The following XYLT1 variants were observed in gnomAD, a reference collection of about 807,000 sequenced individuals.
XYLT1 encodes xylosyltransferase 1.
In XYLT1, 36 loss-of-function variants were observed where a neutral mutation model predicts 91.3. That is an observed-to-expected ratio of 0.39 (90% CI 0.30 to 0.52). The LOEUF is 0.52. Among genes scored for constraint, XYLT1 ranks in the 20% least tolerant of loss-of-function variants. The pLI is 0.68. For synonymous variants in XYLT1, 588 were observed against 532.0 expected (o/e 1.11, Z -1.45); for missense variants, 1,242 against 1,284.5 (o/e 0.97, Z 0.51).
intron 3 of XYLT1, among the ~76,000 whole-genome samples, chr16:17,203,002 T>C (rs966696364): frequency 6.6e-6 from 1 of 152,106 alleles, no homozygotes; most frequent in African/African-American, 2.4e-5. Flanking sequence ...AATGCTATTA[T>C]CCCCGCTTTC....
chr16:17,111,141 T>C (rs898227771), intron 11 of XYLT1, among the ~76,000 whole-genome samples: 6 of 152,028 alleles, frequency 3.9e-5, no homozygotes, highest in East Asian at 3.9e-4. Context: ...GCCTGGTCGA[T>C]AGAGTGAGAC....
chr16:17,331,268 C>T (rs190065525), intron 2 of XYLT1, among the ~76,000 whole-genome samples: 3 of 152,362 alleles, frequency 2.0e-5, no homozygotes, highest in East Asian at 3.9e-4. Flanking sequence ...AGGCAGTTGC[C>T]TTCACCACAC....
At chr16:17,469,139 C>G (rs2036942076) in intron 1 of XYLT1, among the ~76,000 whole-genome samples, 1 of 152,226 alleles carries the variant, frequency 6.6e-6, no homozygotes, top group Non-Finnish European at 1.5e-5. Context: ...GCATGAAGAG[C>G]TGCACTCCGG....
At chr16:17,465,538 A>G (rs1439272317) in intron 1 of XYLT1, among the ~76,000 whole-genome samples, 1 of 98,950 alleles carries the variant, frequency 1.0e-5, no homozygotes, top group South Asian at 3.6e-4. Flanking sequence ...CTTCCTGGAA[A>G]TTTTTTGTGT....
At chr16:17,298,438 C>T (rs2034347360) in intron 2 of XYLT1, among the ~76,000 whole-genome samples, 1 of 152,146 alleles carries the variant, frequency 6.6e-6, no homozygotes, top group African/African-American at 2.4e-5. Flanking sequence ...AGATGAGGCT[C>T]AAGGAGCTGA....
At chr16:17,422,536 G>A (rs1394532515) in intron 1 of XYLT1, among the ~76,000 whole-genome samples, 1 of 151,754 alleles carries the variant, frequency 6.6e-6, no homozygotes, top group African/African-American at 2.4e-5. Flanking sequence ...TGGAGACAGA[G>A]TCTTACTCTG....
intron 2 of XYLT1, among the ~76,000 whole-genome samples, chr16:17,351,607 T>C (rs2035220689): frequency 6.6e-6 from 1 of 151,774 alleles, no homozygotes; most frequent in African/African-American, 2.4e-5. Flanking sequence ...AGGGTGATGT[T>C]TGAACATAAA....
chr16:17,297,018 T>C (rs2034322324), intron 2 of XYLT1, among the ~76,000 whole-genome samples: 1 of 152,222 alleles, frequency 6.6e-6, no homozygotes, highest in Admixed American at 6.5e-5. Flanking sequence ...GAAGTACTAT[T>C]TAGTGACTCT....
At position 17,134,643 on chromosome 16, in the gene XYLT1, G is replaced by C. The variant is rs1351934094; in HGVS notation, c.1857C>G (p.Asn619Lys). 6.2e-7 allele frequency: 1 copy of C among 1,614,222 alleles called. No individual in the cohort carries two copies. Among genetic ancestry groups the C allele is most frequent in the Admixed American group, 1.7e-5 (1 of 60,034 alleles). The change falls in exon 9 of 12, where the codon AAC becomes AAG. Residue 619 changes from asparagine to lysine, a missense_variant. Asn to Lys is a moderately conservative substitution (Grantham distance 94). Around this residue, in one of 3 missense-constraint regions of XYLT1, gnomAD observed 511 missense variants for 497.0 expected, o/e 1.03. Transcript: ENST00000261381. ...GCAGGCCCGGGGTACCTGCAGGGTA[G>C]TTCCCGTACAGGTAATAGTCCAGCT... ...IGQLDYYLYG[N>K]YPAGTPGLRS...
intron 1 of XYLT1, among the ~76,000 whole-genome samples, chr16:17,460,761 T>C (rs2036809213): frequency 6.6e-6 from 1 of 152,222 alleles, no homozygotes; most frequent in Non-Finnish European, 1.5e-5. Flanking sequence ...TCCAAAAATC[T>C]ACGCTGTCTC....
In XYLT1 at chr16:17,105,427, T is replaced by C. The variant is rs1165959940; in HGVS notation, c.*3268A>G. 1 of 152,196 alleles carries C rather than the reference T, an allele frequency of 6.6e-6. No individual in the cohort carries two copies. Among genetic ancestry groups the C allele is most frequent in the Non-Finnish European group, 1.5e-5 (1 of 68,044 alleles). The allele number at this position is 152,196 out of a possible 1,614,324, so 9.4% of individuals were successfully genotyped here. The stretch of plus-strand genomic sequence containing the variant: ...TCATGATCTCACCAGGAAAGCCTTT[T>C]TTTTCCCCTGCAAAGGGAGAAAGCA... On this transcript the variant is annotated 3_prime_UTR_variant, in exon 12 of 12. Transcript: ENST00000261381.
chr16:17,293,298 C>A lies in XYLT1; in HGVS notation c.403-33800G>T, dbSNP rs114034596. On this transcript the variant is annotated intron_variant, in intron 2 of 11. Coordinates refer to ENST00000261381, the MANE Select transcript of XYLT1 (RefSeq NM_022166.4). ...CCCAAAACCTCTGTTTAACACCCAA[C>A]AACTAGTATTTAATTTTCATTCCGC... Among the ~76,000 whole-genome samples the A allele has an allele frequency of 2.3e-3, 351 of 152,218 alleles. 3 individuals are homozygous for A. Among genetic ancestry groups the A allele is most frequent in the African/African-American group, 8.3e-3 (343 of 41,536 alleles).
At chr16:17,121,175 A>T (rs2030042385) in intron 10 of XYLT1, among the ~76,000 whole-genome samples, 1 of 152,174 alleles carries the variant, frequency 6.6e-6, no homozygotes, top group Non-Finnish European at 1.5e-5. Flanking sequence ...TAAGGAGGTG[A>T]TTTTTCACCA....
In XYLT1 at chr16:17,108,542, C is replaced by A; in HGVS notation, c.*153G>T. Reference sequence around the variant, plus strand: ...AGGTTGTTGGCTGATCCTGCTTTGACCTGCTGACCTTCCCTTTCCATCATT... The same window carrying A: ...AGGTTGTTGGCTGATCCTGCTTTGAACTGCTGACCTTCCCTTTCCATCATT... On this transcript the variant is annotated 3_prime_UTR_variant, in exon 12 of 12. Coordinates refer to ENST00000261381, the MANE Select transcript of XYLT1 (RefSeq NM_022166.4). 1 of 776,444 alleles carries A rather than the reference C, an allele frequency of 1.3e-6. No individual in the cohort carries two copies. Among genetic ancestry groups the A allele is most frequent in the Non-Finnish European group, 1.9e-6 (1 of 514,700 alleles). The allele number at this position is 776,444 out of a possible 1,614,324, so 48.1% of individuals were successfully genotyped here.
At chr16:17,321,651 C>A (rs2141830511) in intron 2 of XYLT1, among the ~76,000 whole-genome samples, 1 of 152,256 alleles carries the variant, frequency 6.6e-6, no homozygotes, top group Non-Finnish European at 1.5e-5. Flanking sequence ...AGCCACCACA[C>A]CCAGCTATCT....
intron 2 of XYLT1, among the ~76,000 whole-genome samples, chr16:17,265,445 A>G (rs1193623140): frequency 6.6e-6 from 1 of 152,198 alleles, no homozygotes; most frequent in Non-Finnish European, 1.5e-5. Context: ...TGAGTTATTT[A>G]TGCTAATGCA....
chr16:17,390,580 C>A (rs995804553), intron 1 of XYLT1, among the ~76,000 whole-genome samples: 7 of 152,228 alleles, frequency 4.6e-5, no homozygotes, highest in African/African-American at 1.2e-4. Context: ...ATCTAACCAA[C>A]CCCCATCTTG....
At chr16:17,131,998 C>T (rs181470111) in intron 9 of XYLT1, among the ~76,000 whole-genome samples, 171 of 143,660 alleles carry the variant, frequency 1.2e-3, no homozygotes, top group South Asian at 7.9e-3. Context: ...GGCAACGTGA[C>T]GGCTCACTTC....
chr16:17,435,031 T>A (rs147323386), intron 1 of XYLT1, among the ~76,000 whole-genome samples: 2 of 152,344 alleles, frequency 1.3e-5, no homozygotes, highest in East Asian at 3.9e-4. Context: ...AGTTCATCTT[T>A]CCTAGCTGGC....
Sources: gnomAD v4.1 joint callset for allele counts (sites outside exome capture counted in the v4.1 genomes callset) on GRCh38, gnomAD v4.1.1 for gene constraint, gnomAD v4.1.1 regional missense constraint, MANE v1.5 for transcripts, NCBI Gene and HGNC (gene_info 2026-07-23, HGNC 2026-07-21) for gene names.